The following EPDR1 variants were observed in gnomAD, a reference collection of about 807,000 sequenced individuals.
EPDR1 encodes ependymin related 1.
A neutral mutation model predicts 23.7 loss-of-function variants in EPDR1; 27 were observed. That is an observed-to-expected ratio of 1.14 (90% CI 0.84 to 1.57). The LOEUF is 1.57. EPDR1 is among the 40% of genes most tolerant of loss of function. The pLI is 0.00. For synonymous variants in EPDR1, 137 were observed against 118.2 expected (o/e 1.16, Z -1.03); for missense variants, 349 against 290.4 (o/e 1.20, Z -1.47).
chr7:37,925,465 G>A (rs1272913797), intron 1 of EPDR1, among the ~76,000 whole-genome samples: 1 of 152,230 alleles, frequency 6.6e-6, no homozygotes, highest in East Asian at 1.9e-4. Context: ...AAATGGGGCA[G>A]CAGGTGGATT....
At chr7:37,937,985 A>ATTTTTTTTTTTTTTTTTTTTAT (rs1786089253) in intron 1 of EPDR1, among the ~76,000 whole-genome samples, 1 of 72,424 alleles carries the variant, frequency 1.4e-5, no homozygotes, top group African/African-American at 4.8e-5. Flanking sequence ...TGCCCTTTAA[A>ATTTTTTTTTTTTTTTTTTTTAT]TTTTTTTTTT....
chr7:37,947,187 A>G (rs556263889), intron 1 of EPDR1, among the ~76,000 whole-genome samples: 7 of 152,272 alleles, frequency 4.6e-5, no homozygotes, highest in African/African-American at 7.2e-5. Flanking sequence ...TTTATATTTT[A>G]TCCCATATTT....
At chr7:37,928,648 C>G (rs753984997) in intron 1 of EPDR1, among the ~76,000 whole-genome samples, 40 of 152,192 alleles carry the variant, frequency 2.6e-4, no homozygotes, top group Non-Finnish European at 7.3e-5. Context: ...GCACTGTCTT[C>G]ACTTGGCTTT....
intron 1 of EPDR1, among the ~76,000 whole-genome samples, chr7:37,933,368 G>C (rs1785981629): frequency 6.6e-6 from 1 of 152,174 alleles, no homozygotes; most frequent in South Asian, 2.1e-4. Context: ...TGGCTGAGCA[G>C]TTCTACATGG....
intron 1 of EPDR1, among the ~76,000 whole-genome samples, chr7:37,924,528 A>G (rs1785778585): frequency 6.6e-6 from 1 of 152,144 alleles, no homozygotes. Context: ...TGTGTGTTTT[A>G]TACCTTTAGT....
chr7:37,938,897 C>A (rs1583668128), intron 1 of EPDR1, among the ~76,000 whole-genome samples: 1 of 152,008 alleles, frequency 6.6e-6, no homozygotes, highest in East Asian at 1.9e-4. Context: ...ATTGAGCTAT[C>A]TGTGGTGCTG....
At chr7:37,926,470 C>T (rs1785814317) in intron 1 of EPDR1, among the ~76,000 whole-genome samples, 2 of 70,684 alleles carry the variant, frequency 2.8e-5, no homozygotes. Flanking sequence ...TTTGTATGTT[C>T]TTCATAGCAA....
At chr7:37,944,457 G>C (rs894096236) in intron 1 of EPDR1, among the ~76,000 whole-genome samples, 2 of 152,178 alleles carry the variant, frequency 1.3e-5, no homozygotes, top group Admixed American at 1.3e-4. Flanking sequence ...TATGAGGCTA[G>C]GAGGACTGTA....
At chr7:37,931,159 T>C (rs1196154996) in intron 1 of EPDR1, among the ~76,000 whole-genome samples, 1 of 152,216 alleles carries the variant, frequency 6.6e-6, no homozygotes, top group African/African-American at 2.4e-5. Context: ...TTTTGGTGTA[T>C]ACAATTTGGG....
Position 37,948,934 on chromosome 7 carries a change from T to G in EPDR1, c.364T>G (p.Trp122Gly). 6.2e-7 allele frequency: 1 copy of G among 1,614,144 alleles called. No homozygotes were observed. Among genetic ancestry groups the G allele is most frequent in the East Asian group, 2.2e-5 (1 of 44,870 alleles). The change falls in exon 2 of 3, where the codon TGG becomes GGG. Residue 122 changes from tryptophan (W) to glycine (G), a missense_variant. Transcript: ENST00000199448. Reference sequence around the variant, plus strand: ...CTCAAAGATGACCCTGACACAGCCCTGGGATCCTCTTGACATTCCTCAAAA... The same window carrying G: ...CTCAAAGATGACCCTGACACAGCCCGGGGATCCTCTTGACATTCCTCAAAA... ...QCSKMTLTQP[W>G]DPLDIPQNST...
At chr7:37,940,387 A>G (rs1192020510) in intron 1 of EPDR1, among the ~76,000 whole-genome samples, 1 of 152,212 alleles carries the variant, frequency 6.6e-6, no homozygotes, top group Admixed American at 6.5e-5. Flanking sequence ...AAATTTTTAC[A>G]TATTTAAATA....
intron 1 of EPDR1, among the ~76,000 whole-genome samples, chr7:37,929,467 G>A (rs1156726525): frequency 6.6e-6 from 1 of 152,158 alleles, no homozygotes; most frequent in Non-Finnish European, 1.5e-5. Flanking sequence ...TTTTCTAACT[G>A]CTAAGAGCAG....
At chr7:37,940,215 T>C (rs548234502) in intron 1 of EPDR1, among the ~76,000 whole-genome samples, 1 of 152,272 alleles carries the variant, frequency 6.6e-6, no homozygotes, top group Non-Finnish European at 1.5e-5. Flanking sequence ...AATTCACATA[T>C]GTAGTTGCTT....
In EPDR1 at chr7:37,920,779, C is replaced by T; in HGVS notation, c.-161C>T. On this transcript the variant is annotated 5_prime_UTR_variant, in exon 1 of 3. Transcript: ENST00000199448. ...GCTACCGGGACTCGCGCGTCCGGATCTCAAAAGCGGCAGAGGCCACCGAAG... is the reference window on the plus strand; with the variant it reads ...GCTACCGGGACTCGCGCGTCCGGATTTCAAAAGCGGCAGAGGCCACCGAAG... 2 of 1,609,896 alleles carry T rather than the reference C, an allele frequency of 1.2e-6. No homozygotes were observed. The highest frequency in any genetic ancestry group is 1.1e-5 in the South Asian group (1 of 90,168).
At chr7:37,945,090 T>C (rs1786246680) in intron 1 of EPDR1, among the ~76,000 whole-genome samples, 1 of 152,180 alleles carries the variant, frequency 6.6e-6, no homozygotes, top group Non-Finnish European at 1.5e-5. Context: ...TGGACAACAA[T>C]TCCCATATTT....
chr7:37,932,590 G>A (rs1785967349), intron 1 of EPDR1, among the ~76,000 whole-genome samples: 1 of 152,154 alleles, frequency 6.6e-6, no homozygotes, highest in African/African-American at 2.4e-5. Context: ...GGGTTTGCGT[G>A]AGTTTATATT....
chr7:37,922,934 T>C (rs780088432), intron 1 of EPDR1, among the ~76,000 whole-genome samples: 4 of 152,184 alleles, frequency 2.6e-5, no homozygotes, highest in Non-Finnish European at 5.9e-5. Flanking sequence ...CCAAAACACC[T>C]GTACAGGTTT....
At chr7:37,936,436 A>C (rs1268616969) in intron 1 of EPDR1, among the ~76,000 whole-genome samples, 1 of 152,084 alleles carries the variant, frequency 6.6e-6, no homozygotes, top group Non-Finnish European at 1.5e-5. Context: ...CATTACCTAC[A>C]TTCTATTTAA....
In EPDR1 at chr7:37,940,116, T is replaced by C. The variant is rs201500408; in HGVS notation, c.270-8724T>C. ...TGGCCATGAAAAAATAGGGATAGTCTGTAGGCATTAGTGGAGAATGGAGAA... is the reference window on the plus strand; with the variant it reads ...TGGCCATGAAAAAATAGGGATAGTCCGTAGGCATTAGTGGAGAATGGAGAA... On this transcript the variant is annotated intron_variant, in intron 1 of 2. Transcript: ENST00000199448. Among the ~76,000 whole-genome samples, 3 of 152,304 alleles carry C rather than the reference T, an allele frequency of 2.0e-5. No homozygotes were observed. The East Asian group carries it at 5.8e-4, about 29-fold the overall frequency.
Sources: gnomAD v4.1 joint callset for allele counts (sites outside exome capture counted in the v4.1 genomes callset) on GRCh38, gnomAD v4.1.1 for gene constraint, MANE v1.5 for transcripts, NCBI Gene and HGNC (gene_info 2026-07-23, HGNC 2026-07-21) for gene names.